The following VWDE variants were observed in gnomAD, a reference collection of about 807,000 sequenced individuals.
VWDE encodes von Willebrand factor D and EGF domains.
VWDE carries 207 observed loss-of-function variants against 178.4 expected under a neutral mutation model. The ratio of observed to expected loss-of-function variants is 1.16; its 90% CI spans 1.04 to 1.30. The LOEUF (loss-of-function observed/expected upper bound fraction) is 1.30. VWDE is among the 50% of genes most tolerant of loss of function. VWDE has a pLI of 0.00. For synonymous variants in VWDE, 738 were observed against 651.4 expected, an observed-to-expected ratio of 1.13 and a Z score of -2.02; for missense variants, 2,287 against 1,901.3, an observed-to-expected ratio of 1.20 and a Z score of -3.77.
At chr7:12,366,902 T>C (rs1782888538) in intron 13 of VWDE, among the ~76,000 whole-genome samples, 1 of 152,036 alleles carries the variant, frequency 6.6e-6, no homozygotes, top group African/African-American at 2.4e-5. Context: ...GAAAGATAAA[T>C]ACTATTTTTT....
At chr7:12,333,940 TAA>T (rs1316284641) in intron 27 of VWDE, among the ~76,000 whole-genome samples, 2 of 152,118 alleles carry the variant, frequency 1.3e-5, no homozygotes, top group Non-Finnish European at 2.9e-5. Context: ...AGCAAAAATT[TAA>T]AAGAGACAAC....
chr7:12,359,101 G>T (rs184609835), intron 16 of VWDE, among the ~76,000 whole-genome samples: 299 of 152,278 alleles, frequency 2.0e-3, no homozygotes, highest in African/African-American at 6.8e-3. Flanking sequence ...CTCTATTTAT[G>T]AAAGTGAGGA....
chr7:12,366,099 G>A (rs981930681), intron 13 of VWDE, among the ~76,000 whole-genome samples: 12 of 152,040 alleles, frequency 7.9e-5, no homozygotes, highest in Admixed American at 1.3e-4. Flanking sequence ...AGGTGCCTCC[G>A]TCTGCCTTCT....
chr7:12,333,352 CTTTT>C (rs1195585690), intron 28 of VWDE, 109 bp downstream of exon 28: 6 of 699,282 alleles, frequency 8.6e-6, no homozygotes, highest in Admixed American at 3.4e-5. Flanking sequence ...CAAATAAATG[CTTTT>C]TTTATTTTGG....
chr7:12,332,798 A>G (rs1431271116), intron 28 of VWDE, among the ~76,000 whole-genome samples: 1 of 152,196 alleles, frequency 6.6e-6, no homozygotes, highest in Non-Finnish European at 1.5e-5. Flanking sequence ...GATCCATATC[A>G]AGCTTCAAGA....
At chr7:12,386,998 A>G (rs765156619) in intron 3 of VWDE, among the ~76,000 whole-genome samples, 10 of 152,180 alleles carry the variant, frequency 6.6e-5, no homozygotes, top group Non-Finnish European at 1.3e-4. Flanking sequence ...AATAAATTTT[A>G]TAAGTTTATT....
intron 6 of VWDE, among the ~76,000 whole-genome samples, chr7:12,378,558 T>C (rs552674367): frequency 6.6e-6 from 1 of 152,278 alleles, no homozygotes; most frequent in East Asian, 1.9e-4. Flanking sequence ...TTCTTAATAC[T>C]GAATATTCTC....
Position 12,377,903 on chromosome 7 carries a change from G to C in VWDE, c.897C>G (p.Ser299Arg). 6.8e-7 allele frequency: 1 copy of C among 1,473,440 alleles called. No individual in the cohort carries two copies. Among genetic ancestry groups the C allele is most frequent in the South Asian group, 1.5e-5 (1 of 66,470 alleles). 91.3% of individuals were successfully genotyped at this position (1,473,440 alleles called of 1,614,324 possible). Residue 299 changes from serine (S) to arginine (R), a missense_variant, in exon 7 of 29, where the codon AGC (serine) becomes AGG (arginine). Transcript: ENST00000275358. Reference sequence around the variant, plus strand: ...ATTCTTTCCCATCCTCTGATATAGTGCTCAATTCAGGCTGTAGCTGGTATA... The same window carrying C: ...ATTCTTTCCCATCCTCTGATATAGTCCTCAATTCAGGCTGTAGCTGGTATA... ...FAGFKLQPEL[S>R]TISEDGKEYY... is the part of the protein sequence containing the mutation.
chr7:12,331,446 A>C (rs1780715734), intron 28 of VWDE, among the ~76,000 whole-genome samples: 1 of 152,168 alleles, frequency 6.6e-6, no homozygotes, highest in Admixed American at 6.5e-5. Context: ...TACACTTTAG[A>C]AACATCCATG....
At position 12,370,052 on chromosome 7, in the gene VWDE, G is replaced by A. The variant is rs375633029; in HGVS notation, c.2254C>T (p.Arg752Trp). 137 of 1,551,456 alleles carry A rather than the reference G, an allele frequency of 8.8e-5. 1 individual carries two copies. The highest frequency in any genetic ancestry group is 5.9e-4 in the Admixed American group (30 of 50,974). ...GGAGGAAACTCATGAAAGTTCTGCC[G>A]TTTCCATCTGTTTTGTCGATTGTAC... ...MRYNRQNRWK[R>W]QNFHEFPPLF... The change falls in exon 12 of 29, where the codon CGG becomes TGG. Residue 752 changes from arginine to tryptophan, a missense_variant. By Grantham distance (101) the Arg-to-Trp change is moderately radical (BLOSUM62 -3). Transcript: ENST00000275358.
intron 27 of VWDE, among the ~76,000 whole-genome samples, chr7:12,335,656 C>T (rs1049095342): frequency 9.9e-5 from 15 of 152,072 alleles, no homozygotes; most frequent in Non-Finnish European, 1.8e-4. Flanking sequence ...GGGGTTTCAC[C>T]GTGTTAGCCA....
At chr7:12,346,692 G>A (rs746407104) in intron 19 of VWDE, among the ~76,000 whole-genome samples, 2 of 151,882 alleles carry the variant, frequency 1.3e-5, no homozygotes, top group Admixed American at 1.3e-4. Flanking sequence ...TACTTCTTTG[G>A]TATGGAAAAA....
At position 12,333,555 on chromosome 7, in the gene VWDE, T is replaced by A; in HGVS notation, c.4668A>T (p.Pro1556=). The A allele has an allele frequency of 6.4e-7, 1 of 1,550,864 alleles. No individual in the cohort carries two copies. Among genetic ancestry groups the A allele is most frequent in the Non-Finnish European group, 8.7e-7 (1 of 1,146,400 alleles). The change falls in exon 28 of 29, where the codon CCA becomes CCT. Residue 1556 remains proline (P), a synonymous_variant. Transcript: ENST00000275358. Reference sequence around the variant, plus strand: ...TGCATCTGCCTCCATAAAGACATTTTGGGTTGCAAATTGCTGCAATACACA... The same window carrying A: ...TGCATCTGCCTCCATAAAGACATTTAGGGTTGCAAATTGCTGCAATACACA... The part of the protein sequence containing the change: ...GVRCQIPICN[P]KCLYGGRCIF...
In VWDE at chr7:12,361,398, C is replaced by T. The variant is rs1296407620; in HGVS notation, c.3022G>A (p.Gly1008Ser). The change falls in exon 14 of 29, where the codon GGT (glycine) becomes AGT (serine). Residue 1008 changes from glycine to serine, a missense_variant. By Grantham distance (56) the Gly-to-Ser change is moderately conservative. Coordinates refer to ENST00000275358, the MANE Select transcript of VWDE (RefSeq NM_001135924.3). ...TGCCACTTCCCAGTTGGTTTCCCAC[C>T]CACCAGATCCATGGTATCAAACTGC... ...VQQFDTMDLV[G>S]GKPTGKWQLK... 2.6e-6 allele frequency: 4 copies of T among 1,550,070 alleles called. No individual in the cohort carries two copies. Among genetic ancestry groups the T allele is most frequent in the Non-Finnish European group, 2.6e-6 (3 of 1,146,486 alleles).
chr7:12,377,812 AT>A lies in VWDE; in HGVS notation c.987del (p.Glu329AspfsTer6). On this transcript the variant is annotated frameshift_variant, in exon 7 of 29. Transcript: ENST00000275358. LOFTEE classifies it high-confidence loss of function. The stretch of plus-strand genomic sequence containing the variant: ...GTTTTCAGTTTTAATGAGATTTTGC[AT>A]TCTTGATCAAGCTCACTAAATTCAG... ...ICSEFSELDQ[E>X]CKISLKLKTI... 6.6e-7 allele frequency: 1 copy of A among 1,523,494 alleles called. No individual in the cohort carries two copies. Among genetic ancestry groups the A allele is most frequent in the Non-Finnish European group, 8.8e-7 (1 of 1,131,168 alleles). The allele number at this position is 1,523,494 out of a possible 1,614,324, so 94.4% of individuals were successfully genotyped here. A position where few individuals can be genotyped will look rare whatever the true frequency, so the allele number is the denominator to read the frequency against.
intron 13 of VWDE, 47 bp downstream of exon 13, chr7:12,367,310 G>A: frequency 7.2e-7 from 1 of 1,397,754 alleles, no homozygotes. Flanking sequence ...ATATTAATCT[G>A]AGTATCTCAT....
chr7:12,344,546 G>A, intron 19 of VWDE, 77 bp from the exon 20 acceptor site: 4 of 1,154,062 alleles, frequency 3.5e-6, no homozygotes, highest in Non-Finnish European at 4.9e-6. Flanking sequence ...AGTTATGATA[G>A]AAGCAAAAGT....
rs772551542 is a variant in VWDE, at chr7:12,356,315, A to G, written c.3541T>C (p.Cys1181Arg). ...CATGATCCACCATTCAAGCAATCAC[A>G]AGACTTCACAGTCACCTACAAAACA... is the stretch of plus-strand genomic sequence containing the variant. ...RVTIEVTVKS[C>R]DCLNGGSCVS... Residue 1181 changes from cysteine to arginine, a missense_variant, in exon 18 of 29, where the codon TGT (cysteine) becomes CGT (arginine). Coordinates refer to ENST00000275358, the MANE Select transcript of VWDE (RefSeq NM_001135924.3). 5.7e-5 allele frequency: 89 copies of G among 1,551,428 alleles called. 3 individuals carry two copies. The Middle Eastern group carries it at 1.2e-3, about 20-fold the overall frequency.
chr7:12,351,449 A>G (rs1012793642), intron 19 of VWDE, 124 bp downstream of exon 19: 3 of 1,019,076 alleles, frequency 2.9e-6, no homozygotes, highest in South Asian at 2.1e-5. Context: ...TTTAAACCGC[A>G]TCATATAACC....
Sources: allele counts gnomAD v4.1 joint callset (sites outside exome capture counted in the v4.1 genomes callset), GRCh38; gene constraint gnomAD v4.1.1; transcripts MANE v1.5; gene names NCBI Gene and HGNC (gene_info 2026-07-23, HGNC 2026-07-21).